The following FUZ variants were observed in gnomAD, a reference collection of about 807,000 sequenced individuals.
FUZ encodes the protein protein fuzzy homolog.
A neutral mutation model predicts 43.1 loss-of-function variants in FUZ; 31 were observed. The observed-to-expected ratio is 0.72, with a 90% CI of 0.54 to 0.97. FUZ has a LOEUF of 0.97. FUZ is among the 50% of genes least tolerant of loss of function. The pLI, the probability that FUZ is intolerant of heterozygous loss-of-function variation, is 0.00. For missense variants in FUZ, 539 were observed against 543.8 expected, an observed-to-expected ratio of 0.99 and a Z score of 0.09; for synonymous variants, 274 against 250.0, an observed-to-expected ratio of 1.10 and a Z score of -0.91.
chr19:49,812,208 C>A (rs768446435), intron 3 of FUZ, 43 bp downstream of exon 3: 8 of 1,423,630 alleles, frequency 5.6e-6, no homozygotes, highest in South Asian at 1.2e-5. Flanking sequence ...GCTGAGATCT[C>A]AGATTCCTGG....
intron 10 of FUZ, 67 bp from the exon 11 acceptor site, chr19:49,807,441 C>T (rs2073446444): frequency 1.4e-6 from 2 of 1,478,378 alleles, no homozygotes; most frequent in Admixed American, 1.9e-5. Flanking sequence ...CACACCACAT[C>T]CTGATCCCAA....
chr19:49,812,481 A>T (rs561763431), intron 2 of FUZ, 134 bp downstream of exon 2: 16 of 1,377,134 alleles, frequency 1.2e-5, no homozygotes, highest in Non-Finnish European at 1.4e-5. Context: ...GGGATCAAAG[A>T]GGGTAACTGG....
rs1402909182 is a variant in FUZ, at chr19:49,807,239, A to AGCC, written c.1166_1168dup (p.Arg389dup). On this transcript the variant is annotated inframe_insertion, in exon 11 of 11. Transcript: ENST00000313777. The stretch of plus-strand genomic sequence containing the variant: ...ACTCTGGGGAGACAGCAGCAGCAGC[A>AGCC]GCCGCCGAAGCCCCAGCTGCAAGGC... 6.2e-7 allele frequency: 1 copy of AGCC among 1,612,720 alleles called. No homozygotes were observed. Among genetic ancestry groups the AGCC allele is most frequent in the Non-Finnish European group, 8.5e-7 (1 of 1,179,696 alleles).
Position 49,813,271 on chromosome 19 carries a change from G to C in FUZ, c.-165C>G, listed in dbSNP as rs1159582468. On this transcript the variant is annotated 5_prime_UTR_variant, in exon 1 of 11. Transcript: ENST00000313777. ...CCGCCTTCTTCACCCAACTCAAACA[G>C]ACCCTCAAACCCTATTCAGGCACCT... 1.4e-6 allele frequency: 1 copy of C among 729,186 alleles called. No individual in the cohort carries two copies. Among genetic ancestry groups the C allele is most frequent in the Admixed American group, 2.0e-5 (1 of 49,992 alleles). 45.2% of individuals were successfully genotyped at this position (729,186 alleles called of 1,614,324 possible).
chr19:49,809,301 T>A lies in FUZ; in HGVS notation c.691-43A>T. 6.5e-7 allele frequency: 1 copy of A among 1,549,176 alleles called. No individual in the cohort carries two copies. Among genetic ancestry groups the A allele is most frequent in the Non-Finnish European group, 8.7e-7 (1 of 1,146,560 alleles). ...CTGGGGCTCATCGCGGCCCGGCCCC[T>A]TTCCATCGCAGATCCCGCCTCCTCG... On this transcript the variant is annotated intron_variant, in intron 6 of 10. Transcript: ENST00000313777. The surrounding 1 kb of genome is among the most constrained non-coding windows in gnomAD (Gnocchi z 5.1).
chr19:49,813,498 G>A, upstream of FUZ: 1 of 344,974 alleles, frequency 2.9e-6, no homozygotes, highest in Non-Finnish European at 5.6e-6. Flanking sequence ...CATTCTAAAC[G>A]GAAAAAACAG....
chr19:49,809,592 G>A lies in FUZ; in HGVS notation c.493-17C>T. On this transcript the variant is annotated splice_polypyrimidine_tract_variant and intron_variant, in intron 5 of 10. Transcript: ENST00000313777. This position sits in a 1 kb window ranked among gnomAD's most constrained non-coding sequence, Gnocchi z 5.1. ...GAGGGCTTCCTGGGTACGGGAGGCA[G>A]GAGGACTGGGAGTCAGCAGACAAGC... The A allele has an allele frequency of 6.4e-7, 1 of 1,574,486 alleles. No homozygotes were observed. Among genetic ancestry groups the A allele is most frequent in the South Asian group, 1.2e-5 (1 of 86,878 alleles).
intron 10 of FUZ, 166 bp downstream of exon 10, chr19:49,808,248 T>A (rs2073507301): frequency 1.3e-6 from 1 of 754,504 alleles, no homozygotes; most frequent in Admixed American, 2.0e-5. Flanking sequence ...TTCCCCTCCC[T>A]TCCCATCTGC....
At position 49,811,358 on chromosome 19, in the gene FUZ, A is replaced by AG; in HGVS notation, c.492+4dup. 6.3e-7 allele frequency: 1 copy of AG among 1,589,072 alleles called. No individual in the cohort carries two copies. The highest frequency in any genetic ancestry group is 8.6e-7 in the Non-Finnish European group (1 of 1,163,206). On this transcript the variant is annotated splice_donor_region_variant and intron_variant, in intron 5 of 10. Coordinates refer to ENST00000313777, the MANE Select transcript of FUZ (RefSeq NM_025129.5). ...GTGTAAGAGTTTCCATAGCATCCCC[A>AG]GTACCTGCAAGAGGGACCCCTCTGG...
upstream of FUZ, chr19:49,813,348 CT>C (rs1375851569): frequency 5.0e-6 from 3 of 599,410 alleles, no homozygotes; most frequent in South Asian, 1.8e-5. Flanking sequence ...CACGGTACCC[CT>C]AACAAAGATG....
At position 49,813,041 on chromosome 19, in the gene FUZ, G is replaced by A. The variant is rs2073867361; in HGVS notation, c.66C>T (p.Pro22=). 6.4e-7 allele frequency: 1 copy of A among 1,551,298 alleles called. No homozygotes were observed. The highest frequency in any genetic ancestry group is 8.7e-7 in the Non-Finnish European group (1 of 1,146,994). The part of the protein sequence containing the change: ...LLCLAASSGV[P]LFCRSSRGGA... ...CGCCGCGACTGCTCCTGCAGAATAG[G>A]GGGACCCCGCTGGAGGCCGCGAGGC... is the stretch of plus-strand genomic sequence containing the variant. Residue 22 remains proline, a synonymous_variant, in exon 1 of 11, where the codon CCC becomes CCT. Coordinates refer to ENST00000313777, the MANE Select transcript of FUZ (RefSeq NM_025129.5).
At position 49,812,762 on chromosome 19, in the gene FUZ, CAA is replaced by C. The variant is rs759051312; in HGVS notation, c.112-28_112-27del. 192 of 1,611,894 alleles carry C rather than the reference CAA, an allele frequency of 1.2e-4. 4 individuals are homozygous for C. In the Middle Eastern group the frequency reaches 4.5e-3, roughly 37 times the overall value. On this transcript the variant is annotated intron_variant, in intron 1 of 10. Coordinates refer to ENST00000313777, the MANE Select transcript of FUZ (RefSeq NM_025129.5). ...CTAAGGAGGGGTTAGGGACATCAGA[CAA>C]GAGCACCCCCCCATCCCCTTCCCCC...
chr19:49,809,015 C>T lies in FUZ; in HGVS notation c.786+148G>A. 5 of 928,876 alleles carry T rather than the reference C, an allele frequency of 5.4e-6. No homozygotes were observed. Among genetic ancestry groups the T allele is most frequent in the South Asian group, 1.4e-5 (1 of 71,160 alleles). 57.5% of individuals were successfully genotyped at this position (928,876 alleles called of 1,614,324 possible). A position where few individuals can be genotyped will look rare whatever the true frequency, so the allele number is the denominator to read the frequency against. On this transcript the variant is annotated intron_variant, in intron 7 of 10. Transcript: ENST00000313777. The surrounding 1 kb of genome is among the most constrained non-coding windows in gnomAD (Gnocchi z 5.1). ...GAATAGAGGCAGAGGCGGGAGCGGCCGATCTTGGCGGGTAGGTGAATGACT... is the reference window on the plus strand; with the variant it reads ...GAATAGAGGCAGAGGCGGGAGCGGCTGATCTTGGCGGGTAGGTGAATGACT...
Position 49,812,234 on chromosome 19 carries a change from G to A in FUZ, c.318+17C>T, listed in dbSNP as rs2073828023. The A allele has an allele frequency of 6.3e-7, 1 of 1,591,866 alleles. No individual in the cohort carries two copies. The highest frequency in any genetic ancestry group is 1.1e-5 in the South Asian group (1 of 90,084). On this transcript the variant is annotated intron_variant, in intron 3 of 10. Transcript: ENST00000313777. The stretch of plus-strand genomic sequence containing the variant: ...AGATTCCTGGTCTGGGGAGAAAAGA[G>A]GACTGGTGAGTCTCACCATGGCTCC...
At position 49,808,725 on chromosome 19, in the gene FUZ, G is replaced by A. The variant is rs767188774; in HGVS notation, c.885C>T (p.Asp295=). The A allele has an allele frequency of 1.9e-6, 3 of 1,591,452 alleles. No homozygotes were observed. The highest frequency in any genetic ancestry group is 2.6e-6 in the Non-Finnish European group (3 of 1,168,990). The change falls in exon 8 of 11, where the codon GAC becomes GAT. Residue 295 remains aspartate (D), a synonymous_variant. Coordinates refer to ENST00000313777, the MANE Select transcript of FUZ (RefSeq NM_025129.5). ...ALPSGFPLHT[D]ILGLLLLHLE... ...CTCCATCCGAGCCCTACCCGAGGATGTCTGTGTGAAGGGGGAAGCCACTGG... is the reference window on the plus strand; with the variant it reads ...CTCCATCCGAGCCCTACCCGAGGATATCTGTGTGAAGGGGGAAGCCACTGG...
intron 5 of FUZ, among the ~76,000 whole-genome samples, chr19:49,810,653 CCT>C (rs2073725026): frequency 6.8e-6 from 1 of 147,678 alleles, no homozygotes; most frequent in Non-Finnish European, 1.5e-5. Context: ...CACTCCAGCC[CCT>C]GTGACAGTGT....
At chr19:49,810,239 G>A (rs749194636) in intron 5 of FUZ, among the ~76,000 whole-genome samples, 12 of 152,086 alleles carry the variant, frequency 7.9e-5, no homozygotes, top group African/African-American at 1.9e-4. Flanking sequence ...TCTGGTGGCC[G>A]GGTGTGATGG....
rs1397955813 is a variant in FUZ at position 49,809,121 on chromosome 19, C to T, written c.786+42G>A. ...TGGTGGGGAAGGGCCCTCCTGGTAG[C>T]GGGTGTCCTAAGAGCGAAAGCGGGA... On this transcript the variant is annotated intron_variant, in intron 7 of 10. Transcript: ENST00000313777. This position sits in a 1 kb window ranked among gnomAD's most constrained non-coding sequence, Gnocchi z 5.1. 3 of 1,523,122 alleles carry T rather than the reference C, an allele frequency of 2.0e-6. No homozygotes were observed. Among genetic ancestry groups the T allele is most frequent in the Admixed American group, 2.0e-5 (1 of 50,888 alleles). 94.4% of individuals were successfully genotyped at this position (1,523,122 alleles called of 1,614,324 possible).
At chr19:49,808,929 G>T in intron 7 of FUZ, 106 bp from the exon 8 acceptor site, 1 of 971,948 alleles carries the variant, frequency 1.0e-6, no homozygotes, top group South Asian at 1.4e-5. Context: ...GAGGGGCGGG[G>T]CCTGCAAGAA....
Sources: allele counts gnomAD v4.1 joint callset (sites outside exome capture counted in the v4.1 genomes callset), GRCh38; gene constraint gnomAD v4.1.1; non-coding constraint Gnocchi (gnomAD v3.1); transcripts MANE v1.5; gene names NCBI Gene and HGNC (gene_info 2026-07-23, HGNC 2026-07-21).